LNX2: variants seen among roughly 807,000 people sequenced by gnomAD.
LNX2 encodes ligand of numb-protein X 2.
Under a neutral mutation model 66.2 loss-of-function variants are expected in LNX2, and 35 were observed. The ratio of observed to expected loss-of-function variants is 0.53; its 90% confidence interval spans 0.40 to 0.70. The LOEUF is 0.70. Among genes scored for constraint, LNX2 ranks in the 30% least tolerant of loss-of-function variants. The probability of loss-of-function intolerance (pLI) is 0.00; values close to 1 mark genes in which losing one functional copy is unlikely to be tolerated. For synonymous variants in LNX2, 337 were observed against 315.6 expected, an observed-to-expected ratio of 1.07 and a Z score of -0.72; for missense variants, 791 against 850.8, an observed-to-expected ratio of 0.93 and a Z score of 0.87.
intron 1 of LNX2, among the ~76,000 whole-genome samples, chr13:27,583,255 T>C (rs139694840): frequency 0.71 from 41,069 of 58,130 alleles, 17,841 homozygotes; most frequent in Admixed American, 0.79. Context: ...TGTGTGTGTG[T>C]GCGCGCGTCC....
intron 1 of LNX2, among the ~76,000 whole-genome samples, chr13:27,598,070 C>T (rs1955618709): frequency 6.6e-6 from 1 of 152,064 alleles, no homozygotes; most frequent in African/African-American, 2.4e-5. Flanking sequence ...CAGCCTCAGG[C>T]CCTAGCCTTC....
chr13:27,560,563 G>GTATATATATATATATATATATATA (rs1382726431), intron 5 of LNX2, among the ~76,000 whole-genome samples: 9 of 50,832 alleles, frequency 1.8e-4, no homozygotes, highest in Admixed American at 4.5e-4. Context: ...ATATGTATGT[G>GTATATATATATATATATATATATA]TGTATATATA....
intron 8 of LNX2, among the ~76,000 whole-genome samples, chr13:27,551,864 C>T (rs756840454): frequency 6.6e-6 from 1 of 152,094 alleles, no homozygotes; most frequent in Non-Finnish European, 1.5e-5. Flanking sequence ...CCCAGCAAAT[C>T]GCAGTGGAAG....
chr13:27,610,784 C>CA (rs888960863), intron 1 of LNX2, among the ~76,000 whole-genome samples: 27 of 151,390 alleles, frequency 1.8e-4, no homozygotes, highest in African/African-American at 6.3e-4. Flanking sequence ...ACAATAAGAA[C>CA]AAAAAAAACA....
At chr13:27,581,259 C>T in intron 2 of LNX2, 38 bp downstream of exon 2, 5 of 1,428,902 alleles carry the variant, frequency 3.5e-6, no homozygotes, top group South Asian at 1.7e-5. Flanking sequence ...CACCTTTTTC[C>T]AAAATCTGGA....
intron 1 of LNX2, among the ~76,000 whole-genome samples, chr13:27,617,467 T>G (rs1566136779): frequency 6.6e-6 from 1 of 152,046 alleles, no homozygotes; most frequent in Non-Finnish European, 1.5e-5. Flanking sequence ...TTTAAAGATA[T>G]CGGGTGGCAA....
At chr13:27,568,568 G>T (rs1955234595) in intron 3 of LNX2, among the ~76,000 whole-genome samples, 1 of 151,382 alleles carries the variant, frequency 6.6e-6, no homozygotes, top group Admixed American at 6.6e-5. Flanking sequence ...CAGTTTTCTT[G>T]TTTAAAAAAA....
At chr13:27,558,438 T>C (rs919695467) in intron 6 of LNX2, among the ~76,000 whole-genome samples, 2 of 152,048 alleles carry the variant, frequency 1.3e-5, no homozygotes, top group East Asian at 1.9e-4. Context: ...CCACAACAAA[T>C]TGAATTAAGG....
At chr13:27,549,495 G>T (rs1813719483) in intron 9 of LNX2, among the ~76,000 whole-genome samples, 1 of 152,144 alleles carries the variant, frequency 6.6e-6, no homozygotes, top group Non-Finnish European at 1.5e-5. Flanking sequence ...TGGCAGAGGG[G>T]TTAAAGTCCA....
In LNX2 at chr13:27,588,217, G is replaced by A. The variant is rs573163440; in HGVS notation, c.-100-6414C>T. ...TACATTCACACAAAAACTTGTGCAC[G>A]AATGTTTCTAGCAACTTTTATTTGT... On this transcript the variant is annotated intron_variant, in intron 1 of 9. Coordinates refer to ENST00000316334, the MANE Select transcript of LNX2 (RefSeq NM_153371.4). 5.9e-5 allele frequency among the ~76,000 whole-genome samples: 9 copies of A among 152,150 alleles called. No homozygotes were observed. The East Asian group carries it at 1.7e-3, about 29-fold the overall frequency.
At chr13:27,590,991 T>C (rs1955541102) in intron 1 of LNX2, among the ~76,000 whole-genome samples, 1 of 152,094 alleles carries the variant, frequency 6.6e-6, no homozygotes, top group Admixed American at 6.6e-5. Flanking sequence ...TATATGTGTG[T>C]GTGTATATAT....
intron 1 of LNX2, among the ~76,000 whole-genome samples, chr13:27,588,594 C>T (rs537091138): frequency 8.5e-5 from 13 of 152,308 alleles, no homozygotes; most frequent in Non-Finnish European, 1.6e-4. Flanking sequence ...GGTTATGATA[C>T]TGTACTATAG....
chr13:27,551,921 G>A (rs557687691), intron 8 of LNX2, among the ~76,000 whole-genome samples: 4 of 152,254 alleles, frequency 2.6e-5, no homozygotes, highest in East Asian at 1.9e-4. Flanking sequence ...ACACTATGCC[G>A]TGTGAAACCT....
At chr13:27,588,341 A>AAAAGGAATGAACTATT (rs1955514387) in intron 1 of LNX2, among the ~76,000 whole-genome samples, 2 of 152,220 alleles carry the variant, frequency 1.3e-5, no homozygotes, top group Admixed American at 6.5e-5. Flanking sequence ...CTCAGCGATA[A>AAAAGGAATGAACTATT]AAAGGAATGA....
chr13:27,588,021 C>CAAAAAAAAAAAAAAAAAA (rs56812051), intron 1 of LNX2, among the ~76,000 whole-genome samples: 12 of 93,532 alleles, frequency 1.3e-4, no homozygotes, highest in African/African-American at 1.9e-4. Flanking sequence ...ACTCTTGTCA[C>CAAAAAAAAAAAAAAAAAA]AAAAAAAAAA....
chr13:27,588,275 A>T (rs1955513398), intron 1 of LNX2, among the ~76,000 whole-genome samples: 1 of 152,256 alleles, frequency 6.6e-6, no homozygotes, highest in Non-Finnish European at 1.5e-5. Flanking sequence ...ACTCAGATGT[A>T]CTTCCACTGA....
intron 1 of LNX2, among the ~76,000 whole-genome samples, chr13:27,583,186 G>A (rs879650493): frequency 0.088 from 377 of 4,268 alleles, 21 homozygotes; most frequent in Middle Eastern, 0.12. Flanking sequence ...GTGTGTGTGT[G>A]TGTGTGTGTG....
chr13:27,610,379 C>G (rs897637287), intron 1 of LNX2, among the ~76,000 whole-genome samples: 4 of 152,200 alleles, frequency 2.6e-5, no homozygotes, highest in African/African-American at 9.7e-5. Flanking sequence ...ATCAATTCTC[C>G]CAATTTAAAA....
chr13:27,573,380 C>A (rs1484511128), intron 2 of LNX2, among the ~76,000 whole-genome samples: 1 of 151,000 alleles, frequency 6.6e-6, no homozygotes, highest in African/African-American at 2.4e-5. Context: ...CTTTACTTGG[C>A]TTGACTCAGA....
Sources: gnomAD v4.1 joint callset for allele counts (sites outside exome capture counted in the v4.1 genomes callset) on GRCh38, gnomAD v4.1.1 for gene constraint, MANE v1.5 for transcripts, NCBI Gene and HGNC (gene_info 2026-07-23, HGNC 2026-07-21) for gene names.